Variants in RASA2 observed in about 807,000 individuals in gnomAD.
RASA2 encodes the protein RAS p21 protein activator 2.
RASA2 carries 155 observed loss-of-function variants against 118.2 expected under a neutral mutation model. The observed-to-expected ratio is 1.31, with a 90% confidence interval of 1.15 to 1.50. The LOEUF (loss-of-function observed/expected upper bound fraction) is 1.50, where lower values mean the gene tolerates loss of function less well. Among genes scored for constraint, RASA2 ranks in the 40% most tolerant of loss-of-function variants. RASA2 has a pLI of 0.00. For missense variants in RASA2, 1,016 were observed against 1,009.6 expected, an observed-to-expected ratio of 1.01 and a Z score of -0.09; for synonymous variants, 353 against 349.1, an observed-to-expected ratio of 1.01 and a Z score of -0.12.
rs768711177 is a variant in RASA2, at chr3:141,599,364, A to G, written c.1934-8314A>G. ...TACAGTCAATGATTAGCAACACACA[A>G]TAGTGTTCCAACTCTAACAATCACT... On this transcript the variant is annotated intron_variant, in intron 19 of 23. Coordinates refer to ENST00000286364, the MANE Select transcript of RASA2 (RefSeq NM_006506.5). 8.8e-4 allele frequency among the ~76,000 whole-genome samples: 134 copies of G among 151,956 alleles called. 1 individual carries two copies. Among genetic ancestry groups the G allele is most frequent in the Non-Finnish European group, 7.9e-4 (54 of 67,984 alleles).
At chr3:141,516,690 G>A (rs2082031723) in intron 3 of RASA2, among the ~76,000 whole-genome samples, 1 of 151,696 alleles carries the variant, frequency 6.6e-6, no homozygotes. Context: ...CCTTTCCATG[G>A]TACTCATTAT....
intron 7 of RASA2, among the ~76,000 whole-genome samples, chr3:141,557,033 G>A (rs2082660564): frequency 6.6e-6 from 1 of 152,182 alleles, no homozygotes; most frequent in African/African-American, 2.4e-5. Context: ...AATGTAAAGG[G>A]CCGCTGACTA....
intron 5 of RASA2, among the ~76,000 whole-genome samples, chr3:141,541,888 C>T (rs2082410455): frequency 6.6e-6 from 1 of 151,532 alleles, no homozygotes; most frequent in African/African-American, 2.4e-5. Context: ...AGCTTTTTCT[C>T]CACAGACTGA....
chr3:141,567,746 A>G (rs2082844573), intron 9 of RASA2, among the ~76,000 whole-genome samples: 1 of 152,196 alleles, frequency 6.6e-6, no homozygotes, highest in Non-Finnish European at 1.5e-5. Context: ...AAATGGAAAG[A>G]CAAACTCTTC....
Position 141,512,267 on chromosome 3 carries a change from G to GA in RASA2, c.243dup (p.Ser82IlefsTer8). 6.3e-7 allele frequency: 1 copy of GA among 1,579,370 alleles called. No homozygotes were observed. The highest frequency in any genetic ancestry group is 1.4e-5 in the African/African-American group (1 of 72,406). On this transcript the variant is annotated frameshift_variant, in exon 2 of 24. Coordinates refer to ENST00000286364, the MANE Select transcript of RASA2 (RefSeq NM_006506.5). LOFTEE classifies it high-confidence loss of function. ...AGAAGTTTATCGTACCCAAGTTGTG[G>GA]AAAAATCTTTAAGGTTGGTAGAAAA... is the stretch of plus-strand genomic sequence containing the variant.
chr3:141,595,225 C>T lies in RASA2; in HGVS notation c.1933+8473C>T, dbSNP rs946387411. On this transcript the variant is annotated intron_variant, in intron 19 of 23. Coordinates refer to ENST00000286364, the MANE Select transcript of RASA2 (RefSeq NM_006506.5). ...AAAATCAGATGAGACAGACAGAAAACGTATAACAAAATGATAGCTTAAACC... is the reference window on the plus strand; with the variant it reads ...AAAATCAGATGAGACAGACAGAAAATGTATAACAAAATGATAGCTTAAACC... 2.6e-5 allele frequency among the ~76,000 whole-genome samples: 4 copies of T among 152,118 alleles called. No individual in the cohort carries two copies. In the South Asian group the frequency reaches 6.2e-4, roughly 24 times the overall value.
At chr3:141,611,704 T>C (rs900256706) in intron 23 of RASA2, among the ~76,000 whole-genome samples, 3 of 152,234 alleles carry the variant, frequency 2.0e-5, no homozygotes, top group African/African-American at 7.2e-5. Context: ...TTAATAATTA[T>C]ATTTTTTATT....
chr3:141,507,432 C>G (rs1016067299), intron 1 of RASA2, among the ~76,000 whole-genome samples: 5 of 152,172 alleles, frequency 3.3e-5, no homozygotes, highest in African/African-American at 1.2e-4. Flanking sequence ...AGCCATGTTG[C>G]ATCTAGGCCA....
chr3:141,571,217 T>C, intron 10 of RASA2, 149 bp downstream of exon 10: 2 of 1,190,954 alleles, frequency 1.7e-6, no homozygotes, highest in Non-Finnish European at 2.3e-6. Context: ...CATTTCTATT[T>C]ATCTGAACCA....
intron 19 of RASA2, among the ~76,000 whole-genome samples, chr3:141,599,505 A>G (rs1213652658): frequency 6.6e-6 from 1 of 152,202 alleles, no homozygotes; most frequent in African/African-American, 2.4e-5. Context: ...AAAAAATGAC[A>G]TGCACTTTAA....
rs61750362 is a variant in RASA2 at position 141,608,596 on chromosome 3, A to T, written c.2124A>T (p.Gln708His). The change falls in exon 21 of 24, where the codon CAA (glutamine) becomes CAT (histidine). Residue 708 changes from glutamine (Q) to histidine (H), a missense_variant. By Grantham distance (24) the Gln-to-His change is conservative. This residue lies in a region of RASA2 where 120 missense variants were observed against 173.2 expected (regional missense o/e 0.69). Transcript: ENST00000286364. Reference protein sequence around the residue: ...DVLCRVSRCNQNRLSFYHPSV... With the variant: ...DVLCRVSRCNHNRLSFYHPSV... ...TCTGCAGGGTGAGCCGATGCAATCA[A>T]AACAGGCTCAGTTTTTATCATCCCT... 16,250 of 1,613,954 alleles carry T rather than the reference A, an allele frequency of 0.01. 1,397 individuals are homozygous for T. The African/African-American group carries it at 0.19, about 19-fold the overall frequency.
intron 9 of RASA2, among the ~76,000 whole-genome samples, chr3:141,564,025 C>G (rs1037346090): frequency 1.5e-5 from 2 of 136,336 alleles, no homozygotes; most frequent in African/African-American, 2.8e-5. Flanking sequence ...ATGGGGATTT[C>G]TTATCCTGCA....
chr3:141,517,256 T>C (rs1201835293), intron 3 of RASA2, among the ~76,000 whole-genome samples: 1 of 152,216 alleles, frequency 6.6e-6, no homozygotes. Context: ...TTTCTTCCTG[T>C]CTGTATTAGT....
At chr3:141,572,270 T>G (rs1328695762) in intron 11 of RASA2, among the ~76,000 whole-genome samples, 36 of 151,996 alleles carry the variant, frequency 2.4e-4, no homozygotes, top group Non-Finnish European at 2.9e-5. Context: ...TTTTGTATTT[T>G]TGGTAGAGAT....
intron 3 of RASA2, among the ~76,000 whole-genome samples, chr3:141,518,035 A>G (rs952115805): frequency 3.9e-5 from 6 of 152,154 alleles, no homozygotes; most frequent in East Asian, 1.9e-4. Context: ...CTGGCCACAT[A>G]TGTGTCACAT....
intron 1 of RASA2, among the ~76,000 whole-genome samples, chr3:141,495,645 A>G (rs1309746568): frequency 1.3e-5 from 2 of 152,228 alleles, no homozygotes; most frequent in Admixed American, 1.3e-4. Flanking sequence ...GCAATGTTGG[A>G]GAGCATTTTG....
intron 14 of RASA2, among the ~76,000 whole-genome samples, chr3:141,575,384 C>T (rs1010442871): frequency 6.6e-6 from 1 of 152,142 alleles, no homozygotes; most frequent in African/African-American, 2.4e-5. Flanking sequence ...ATCTTCATAA[C>T]AAAAATAAGG....
Position 141,516,371 on chromosome 3 carries a change from T to C in RASA2, c.295T>C (p.Phe99Leu). The stretch of plus-strand genomic sequence containing the variant: ...ATTTTACTTTGAGATTCCAAGAACT[T>C]TCCAGTATTTGTCTTTCTATGTTTA... ...EEFYFEIPRTFQYLSFYVYDK... is the reference protein window; with the variant it reads ...EEFYFEIPRTLQYLSFYVYDK... The change falls in exon 3 of 24, where the codon TTC (phenylalanine) becomes CTC (leucine). Residue 99 changes from phenylalanine to leucine, a missense_variant. Physicochemically the swap from Phe to Leu is conservative, Grantham distance 22. Around this residue, in one of 2 missense-constraint regions of RASA2, gnomAD observed 896 missense variants for 836.4 expected, o/e 1.07. Coordinates refer to ENST00000286364, the MANE Select transcript of RASA2 (RefSeq NM_006506.5). 1 of 1,570,720 alleles carries C rather than the reference T, an allele frequency of 6.4e-7. No individual in the cohort carries two copies. The highest frequency in any genetic ancestry group is 8.6e-7 in the Non-Finnish European group (1 of 1,158,764).
intron 5 of RASA2, among the ~76,000 whole-genome samples, chr3:141,544,705 C>G (rs1041218113): frequency 1.3e-5 from 2 of 152,032 alleles, no homozygotes; most frequent in African/African-American, 4.8e-5. Flanking sequence ...TTGTTCATTG[C>G]ATTATTCACA....
Sources: allele counts gnomAD v4.1 joint callset (sites outside exome capture counted in the v4.1 genomes callset), GRCh38; gene constraint gnomAD v4.1.1; regional missense constraint gnomAD v4.1.1; transcripts MANE v1.5; gene names NCBI Gene and HGNC (gene_info 2026-07-23, HGNC 2026-07-21).